Variants in IP6K2 observed in about 807,000 individuals in gnomAD.
IP6K2 encodes the protein ATP:1D-myo-inositol-hexakisphosphate phosphotransferase.
IP6K2 carries 9 observed loss-of-function variants against 43.3 expected under a neutral mutation model. The ratio of observed to expected loss-of-function variants is 0.21; its 90% CI spans 0.13 to 0.36. The LOEUF (loss-of-function observed/expected upper bound fraction) is 0.36. IP6K2 is among the 10% of genes least tolerant of loss of function. The probability of loss-of-function intolerance (pLI) is 1.00; values close to 1 mark genes in which losing one functional copy is unlikely to be tolerated. For synonymous variants in IP6K2, 209 were observed against 202.4 expected (o/e 1.03, Z -0.28); for missense variants, 332 against 538.4 (o/e 0.62, Z 3.79).
In IP6K2 at chr3:48,693,933, C is replaced by T. The variant is rs1378318694; in HGVS notation, c.203-754G>A. ...ACCTGCCATGAGTAATTAAGACAGT[C>T]TTTGAGGATGGGGCTGTCAGGTGGG... On this transcript the variant is annotated intron_variant, in intron 2 of 5. Coordinates refer to ENST00000328631, the MANE Select transcript of IP6K2 (RefSeq NM_016291.4). 3 of 1,348,732 alleles carry T rather than the reference C, an allele frequency of 2.2e-6. No homozygotes were observed. The East Asian group carries it at 9.0e-5, about 40-fold the overall frequency. The allele number at this position is 1,348,732 out of a possible 1,614,324, so 83.5% of individuals were successfully genotyped here. A position where few individuals can be genotyped will look rare whatever the true frequency, so the allele number is the denominator to read the frequency against.
chr3:48,688,507 A>G lies in IP6K2; in HGVS notation c.1047T>C (p.Ala349=), dbSNP rs775993668. 16 of 1,614,136 alleles carry G rather than the reference A, an allele frequency of 9.9e-6. No individual in the cohort carries two copies. The highest frequency in any genetic ancestry group is 1.4e-5 in the Non-Finnish European group (16 of 1,180,052). The change falls in exon 6 of 6, where the codon GCT becomes GCC. Residue 349 remains alanine, a synonymous_variant. Transcript: ENST00000328631. The surrounding 1 kb of genome is among the most constrained non-coding windows in gnomAD (Gnocchi z 5.1). ...ERPEVVLDSD[A]EDLEDLSEES... The stretch of plus-strand genomic sequence containing the variant: ...CCTCTGACAGGTCCTCCAAATCCTC[A>G]GCATCTGAGTCCAGGACCACTTCGG...
At chr3:48,708,594 G>T (rs1365559090) in intron 1 of IP6K2, among the ~76,000 whole-genome samples, 1 of 118,898 alleles carries the variant, frequency 8.4e-6, no homozygotes, top group African/African-American at 3.5e-5. Context: ...TGTTGTAAAA[G>T]CCAGTTACCC....
Position 48,693,071 on chromosome 3 carries a change from C to T in IP6K2, c.311G>A (p.Cys104Tyr). Residue 104 changes from cysteine to tyrosine, a missense_variant, in exon 3 of 6, where the codon TGT (cysteine) becomes TAT (tyrosine). Transcript: ENST00000328631. The stretch of plus-strand genomic sequence containing the variant: ...CCTTAGGAGCTTACTTTTTGGTTCA[C>T]AGTCTGAATTATCTACAATGTCCAC... ...GIVDIVDNSD[C>Y]EPKSKLLRWT... 1 of 1,614,174 alleles carries T rather than the reference C, an allele frequency of 6.2e-7. No individual in the cohort carries two copies. The highest frequency in any genetic ancestry group is 8.5e-7 in the Non-Finnish European group (1 of 1,179,988).
chr3:48,701,817 G>A (rs941335674), intron 1 of IP6K2, among the ~76,000 whole-genome samples: 25 of 152,240 alleles, frequency 1.6e-4, no homozygotes, highest in African/African-American at 6.0e-4. Flanking sequence ...AGAATCGCTT[G>A]AGCACGGGAG....
intron 1 of IP6K2, chr3:48,715,670 C>T (rs2081107197): frequency 3.5e-6 from 2 of 563,590 alleles, no homozygotes; most frequent in Admixed American, 3.2e-5. Context: ...ATTGTATTAA[C>T]TCTAGTCAGT....
intron 3 of IP6K2, 107 bp downstream of exon 3, chr3:48,692,847 C>T (rs1012305694): frequency 4.5e-5 from 34 of 761,288 alleles, no homozygotes; most frequent in East Asian, 3.4e-4. Context: ...TGACAAGGTA[C>T]CTACTAAATC....
At chr3:48,702,194 G>A (rs909090429) in intron 1 of IP6K2, among the ~76,000 whole-genome samples, 2 of 152,034 alleles carry the variant, frequency 1.3e-5, no homozygotes, top group African/African-American at 4.8e-5. Context: ...CTGCACCACT[G>A]TACTCCAGCC....
At chr3:48,693,224 A>G (rs1483732723) in intron 2 of IP6K2, 45 bp from the exon 3 acceptor site, 1 of 1,483,854 alleles carries the variant, frequency 6.7e-7, no homozygotes, top group East Asian at 2.3e-5. Context: ...TTTAGCAGGA[A>G]GAAGCGTTGT....
At chr3:48,715,202 G>A in intron 1 of IP6K2, 2 of 1,054,362 alleles carry the variant, frequency 1.9e-6, no homozygotes, top group Non-Finnish European at 2.8e-6. Flanking sequence ...ATGTATAAGA[G>A]TGTGTTCAAT....
rs2077944194 is a variant in IP6K2, at chr3:48,693,067, T to C, written c.315A>G (p.Glu105=). The change falls in exon 3 of 6, where the codon GAA becomes GAG. Residue 105 remains glutamate, a synonymous_variant. Coordinates refer to ENST00000328631, the MANE Select transcript of IP6K2 (RefSeq NM_016291.4). ...IVDIVDNSDC[E]PKSKLLRWTT... is the part of the protein sequence containing the mutation. ...TCCACCTTAGGAGCTTACTTTTTGG[T>C]TCACAGTCTGAATTATCTACAATGT... 3.1e-6 allele frequency: 5 copies of C among 1,614,100 alleles called. No individual in the cohort carries two copies. In the South Asian group the frequency reaches 5.5e-5, roughly 18 times the overall value.
At chr3:48,693,983 C>CAGT in intron 2 of IP6K2, 1 of 1,370,588 alleles carries the variant, frequency 7.3e-7, no homozygotes, top group South Asian at 1.9e-5. Context: ...TGCCGACGAG[C>CAGT]GCCTTACAAA....
rs141913549 is a variant in IP6K2 at position 48,688,747 on chromosome 3, G to T, written c.807C>A (p.Leu269=). Residue 269 remains leucine (L), a synonymous_variant, in exon 6 of 6, where the codon CTC becomes CTA. Coordinates refer to ENST00000328631, the MANE Select transcript of IP6K2 (RefSeq NM_016291.4). This position sits in a 1 kb window ranked among gnomAD's most constrained non-coding sequence, Gnocchi z 5.1. ...MQVYQAGSGQ[L]MFMNKYHGRK... The stretch of plus-strand genomic sequence containing the variant: ...GTCCATGGTACTTGTTCATGAACAT[G>T]AGCTGCCCACTGCCTGCTTGGTACA... 185 of 1,612,756 alleles carry T rather than the reference G, an allele frequency of 1.1e-4. No homozygotes were observed. Among genetic ancestry groups the T allele is most frequent in the Non-Finnish European group, 1.5e-4 (177 of 1,179,192 alleles).
chr3:48,689,756 C>T, intron 4 of IP6K2, 43 bp from the exon 5 acceptor site: 2 of 1,567,324 alleles, frequency 1.3e-6, no homozygotes, highest in Non-Finnish European at 1.8e-6. Context: ...AGTGCTACTG[C>T]ATGGGTCCTT....
At chr3:48,694,565 A>G in intron 2 of IP6K2, 1 of 1,523,852 alleles carries the variant, frequency 6.6e-7, no homozygotes, top group South Asian at 1.3e-5. Context: ...AAATTATCAT[A>G]TGTGAATCGA....
intron 1 of IP6K2, among the ~76,000 whole-genome samples, chr3:48,696,835 A>C (rs2078407857): frequency 6.6e-6 from 1 of 152,028 alleles, no homozygotes. Context: ...GGAATTTCTT[A>C]TGTCATTTGG....
intron 1 of IP6K2, among the ~76,000 whole-genome samples, chr3:48,710,479 G>C (rs991562275): frequency 6.6e-6 from 1 of 152,160 alleles, no homozygotes; most frequent in Non-Finnish European, 1.5e-5. Context: ...CTCTTCTCTC[G>C]CTCATTACAA....
At chr3:48,696,075 G>A (rs1487378237) in intron 1 of IP6K2, among the ~76,000 whole-genome samples, 2 of 151,540 alleles carry the variant, frequency 1.3e-5, no homozygotes, top group Non-Finnish European at 2.9e-5. Flanking sequence ...TAGTAGAGAC[G>A]GGGTTTCACC....
chr3:48,695,062 G>A lies in IP6K2; in HGVS notation c.202+28C>T, dbSNP rs754935195. On this transcript the variant is annotated intron_variant, in intron 2 of 5. Coordinates refer to ENST00000328631, the MANE Select transcript of IP6K2 (RefSeq NM_016291.4). The surrounding 1 kb of genome is among the most constrained non-coding windows in gnomAD (Gnocchi z 4.6). ...ATCTCTCACATCTCCTCGCCAGTGTGGCAACCCCTCCAGCAGCTGGGACTT... is the reference window on the plus strand; with the variant it reads ...ATCTCTCACATCTCCTCGCCAGTGTAGCAACCCCTCCAGCAGCTGGGACTT... The A allele has an allele frequency of 2.5e-6, 4 of 1,614,094 alleles. No individual in the cohort carries two copies. The highest frequency in any genetic ancestry group is 1.1e-5 in the South Asian group (1 of 91,086).
chr3:48,692,461 T>C (rs1485392655), intron 3 of IP6K2, among the ~76,000 whole-genome samples: 2 of 152,248 alleles, frequency 1.3e-5, no homozygotes, highest in Non-Finnish European at 2.9e-5. Context: ...AAATAGGAAC[T>C]GAAATTCCAT....
Sources: gnomAD v4.1 joint callset for allele counts (sites outside exome capture counted in the v4.1 genomes callset) on GRCh38, gnomAD v4.1.1 for gene constraint, Gnocchi (gnomAD v3.1) non-coding constraint, MANE v1.5 for transcripts, NCBI Gene and HGNC (gene_info 2026-07-23, HGNC 2026-07-21) for gene names.